The following DIAPH2 variants were observed in gnomAD, a reference collection of about 807,000 sequenced individuals.
DIAPH2 encodes the protein diaphanous related formin 2.
DIAPH2 carries 35 observed loss-of-function variants against 92.7 expected under a neutral mutation model. That is an observed-to-expected ratio of 0.38 (90% confidence interval 0.29 to 0.50). DIAPH2 has a LOEUF of 0.50. Ranked by LOEUF, DIAPH2 falls within the 20% of genes least tolerant of loss-of-function variation. The pLI, the probability that DIAPH2 is intolerant of heterozygous loss-of-function variation, is 0.94. For missense variants in DIAPH2, 701 were observed against 819.5 expected (o/e 0.86, Z 1.77); for synonymous variants, 301 against 280.4 (o/e 1.07, Z -0.73).
chrX:97,115,196 C>T (rs1046757759), intron 21 of DIAPH2, among the ~76,000 whole-genome samples: 6 of 111,714 alleles, frequency 5.4e-5, no homozygotes, highest in African/African-American at 2.0e-4. Context: ...TTGCTGATTA[C>T]ATTTTACTGA....
chrX:97,258,848 G>A (rs1242957858), intron 23 of DIAPH2, among the ~76,000 whole-genome samples: 1 of 92,322 alleles, frequency 1.1e-5, no homozygotes, highest in Admixed American at 1.2e-4. Context: ...TCCAGCCTGG[G>A]CGACAGAGCG....
intron 4 of DIAPH2, among the ~76,000 whole-genome samples, chrX:96,760,079 A>T (rs1351807392): frequency 9.0e-6 from 1 of 111,482 alleles, no homozygotes; most frequent in African/African-American, 3.2e-5. Context: ...CAGTGTACAT[A>T]TGAGCACCTG....
At chrX:97,320,371 A>G (rs2068881887) in intron 23 of DIAPH2, among the ~76,000 whole-genome samples, 1 of 109,685 alleles carries the variant, frequency 9.1e-6, no homozygotes, top group African/African-American at 3.3e-5. Flanking sequence ...TACTAAAACT[A>G]GGGGGTCTAT....
intron 16 of DIAPH2, among the ~76,000 whole-genome samples, chrX:96,964,616 T>C (rs957826410): frequency 9.0e-6 from 1 of 111,441 alleles, no homozygotes; most frequent in Non-Finnish European, 1.9e-5. Context: ...GGTGAAAAAA[T>C]TATTACGAGG....
intron 17 of DIAPH2, among the ~76,000 whole-genome samples, chrX:97,049,964 G>A (rs1486101209): frequency 9.0e-6 from 1 of 111,091 alleles, no homozygotes; most frequent in East Asian, 2.8e-4. Flanking sequence ...AATGAAGCTG[G>A]TGGTAGGGTC....
At chrX:96,788,743 C>T (rs933769030) in intron 4 of DIAPH2, among the ~76,000 whole-genome samples, 1 of 111,678 alleles carries the variant, frequency 9.0e-6, no homozygotes, top group East Asian at 2.8e-4. Context: ...ACAAAGGATG[C>T]GTTTAATTTT....
intron 26 of DIAPH2, among the ~76,000 whole-genome samples, chrX:97,565,028 A>C (rs1008098273): frequency 8.9e-6 from 1 of 112,016 alleles, no homozygotes; most frequent in African/African-American, 3.2e-5. Context: ...GAAGATAGTA[A>C]TACTGGTAAT....
At chrX:97,594,900 C>T (rs1184813119) in intron 26 of DIAPH2, among the ~76,000 whole-genome samples, 8 of 111,464 alleles carry the variant, frequency 7.2e-5, no homozygotes, top group Non-Finnish European at 1.1e-4. Flanking sequence ...AACAGATGGA[C>T]GCCTAACCTT....
intron 25 of DIAPH2, among the ~76,000 whole-genome samples, chrX:97,395,792 A>G (rs181572125): frequency 1.4e-3 from 160 of 112,602 alleles, no homozygotes; most frequent in African/African-American, 4.8e-3. Context: ...GATAGGTAAT[A>G]TACTTTAGAT....
chrX:96,907,932 A>T (rs1338101137), intron 5 of DIAPH2, among the ~76,000 whole-genome samples: 1 of 112,291 alleles, frequency 8.9e-6, no homozygotes, highest in East Asian at 2.8e-4. Flanking sequence ...TCATACAGTA[A>T]CAAGGAATGG....
At chrX:96,971,052 ATTAT>A (rs1481855951) in intron 17 of DIAPH2, among the ~76,000 whole-genome samples, 2 of 111,441 alleles carry the variant, frequency 1.8e-5, no homozygotes, top group Non-Finnish European at 3.8e-5. Context: ...TACGCTTTTG[ATTAT>A]GGACTTATTT....
chrX:96,950,540 C>A (rs2065767768), intron 15 of DIAPH2, among the ~76,000 whole-genome samples: 1 of 111,658 alleles, frequency 9.0e-6, no homozygotes, highest in African/African-American at 3.3e-5. Flanking sequence ...TTCTTCAACT[C>A]CACTCATACT....
chrX:97,446,743 A>C (rs1259140789), intron 26 of DIAPH2, among the ~76,000 whole-genome samples: 1 of 110,607 alleles, frequency 9.0e-6, no homozygotes, highest in East Asian at 2.8e-4. Context: ...TTTTAAACCA[A>C]ATCATGCAAA....
At chrX:97,042,259 A>G (rs945739521) in intron 17 of DIAPH2, among the ~76,000 whole-genome samples, 1 of 111,883 alleles carries the variant, frequency 8.9e-6, no homozygotes, top group Non-Finnish European at 1.9e-5. Flanking sequence ...TTTGTTGAAC[A>G]TTAAAGAGAT....
intron 4 of DIAPH2, among the ~76,000 whole-genome samples, chrX:96,844,101 T>C (rs772198352): frequency 8.9e-5 from 10 of 112,467 alleles, no homozygotes; most frequent in Admixed American, 4.7e-4. Context: ...CATCCAAATA[T>C]ACATTTTTCT....
At chrX:97,011,423 A>G (rs1040800349) in intron 17 of DIAPH2, among the ~76,000 whole-genome samples, 3 of 112,075 alleles carry the variant, frequency 2.7e-5, no homozygotes, top group East Asian at 5.6e-4. Flanking sequence ...AGTGGAATTC[A>G]CAGTCCAATT....
intron 22 of DIAPH2, among the ~76,000 whole-genome samples, chrX:97,211,178 G>A (rs5920837): frequency 0.43 from 47,213 of 109,823 alleles, 7,387 homozygotes; most frequent in East Asian, 0.64. Flanking sequence ...ACATCTACTT[G>A]ATTAAACAAG....
At chrX:96,929,859 A>G (rs1189262510) in intron 9 of DIAPH2, among the ~76,000 whole-genome samples, 1 of 110,730 alleles carries the variant, frequency 9.0e-6, no homozygotes, top group Non-Finnish European at 1.9e-5. Flanking sequence ...CAGTTAAACA[A>G]TTAGCCAGTT....
chrX:97,212,590 GTT>G (rs57173350), intron 22 of DIAPH2, among the ~76,000 whole-genome samples: 24 of 67,797 alleles, frequency 3.5e-4, no homozygotes, highest in South Asian at 1.7e-3. Flanking sequence ...AGGGTTTTTT[GTT>G]TTTTTTTTTT....
Sources: gnomAD v4.1 joint callset for allele counts (sites outside exome capture counted in the v4.1 genomes callset) on GRCh38, gnomAD v4.1.1 for gene constraint, MANE v1.5 for transcripts, NCBI Gene and HGNC (gene_info 2026-07-23, HGNC 2026-07-21) for gene names.